ANK2: variants seen among roughly 807,000 people sequenced by gnomAD.
ANK2 encodes the protein ankyrin 2, also known as ankyrin-2.
A neutral mutation model predicts 360.5 loss-of-function variants in ANK2; 83 were observed. The ratio of observed to expected loss-of-function variants is 0.23; its 90% CI spans 0.19 to 0.28. The LOEUF (loss-of-function observed/expected upper bound fraction) is 0.28, where lower values mean the gene tolerates loss of function less well. Among genes scored for constraint, ANK2 ranks in the 10% least tolerant of loss-of-function variants. The pLI, the probability that ANK2 is intolerant of heterozygous loss-of-function variation, is 1.00. For missense variants in ANK2, 4,201 were observed against 4,795.7 expected (o/e 0.88, Z 3.66); for synonymous variants, 1,740 against 1,759.5 (o/e 0.99, Z 0.28).
At chr4:112,730,951 A>C in the ANK2 span, among the ~76,000 whole-genome samples, 14 of 152,016 alleles carry the variant, frequency 9.2e-5, no homozygotes, top group African/African-American at 3.4e-4. Context: ...CATTCCGGCC[A>C]ACATGGTGAA....
chr4:113,263,679 A>C (rs2054319648), intron 13 of ANK2, among the ~76,000 whole-genome samples: 1 of 152,222 alleles, frequency 6.6e-6, no homozygotes, highest in Non-Finnish European at 1.5e-5. Flanking sequence ...ACCACAACCA[A>C]ATTTAAAATC....
chr4:113,146,209 G>T (rs1286417766), intron 1 of ANK2, among the ~76,000 whole-genome samples: 1 of 152,060 alleles, frequency 6.6e-6, no homozygotes, highest in South Asian at 2.1e-4. Context: ...GTTTTTTCTC[G>T]GTTGTCTTTA....
At position 113,353,346 on chromosome 4, in the gene ANK2, C is replaced by A; in HGVS notation, c.4728C>A (p.Ser1576Arg). The change falls in exon 38 of 46, where the codon AGC becomes AGA. Residue 1576 changes from serine to arginine, a missense_variant. Coordinates refer to ENST00000357077, the MANE Select transcript of ANK2 (RefSeq NM_001148.6). Reference protein sequence around the residue: ...LRSGTCTRDESSVQSSRSERG... With the variant: ...LRSGTCTRDERSVQSSRSERG... ...GTGGAACCTGCACAAGAGATGAAAGCAGTGTGCAGAGCTCTCGGTCTGAGA... is the reference window on the plus strand; with the variant it reads ...GTGGAACCTGCACAAGAGATGAAAGAAGTGTGCAGAGCTCTCGGTCTGAGA... 1 of 1,613,968 alleles carries A rather than the reference C, an allele frequency of 6.2e-7. No individual in the cohort carries two copies. The highest frequency in any genetic ancestry group is 8.5e-7 in the Non-Finnish European group (1 of 1,179,918).
intron 1 of ANK2, among the ~76,000 whole-genome samples, chr4:113,064,453 A>G (rs545145915): frequency 1.5e-4 from 23 of 152,164 alleles, no homozygotes; most frequent in Non-Finnish European, 2.8e-4. Flanking sequence ...AGCCAGGATT[A>G]AGGAGGAGGG....
chr4:112,766,584 G>C, the ANK2 span, among the ~76,000 whole-genome samples: 4 of 151,904 alleles, frequency 2.6e-5, no homozygotes, highest in Admixed American at 2.0e-4. Context: ...TTCTACTCTG[G>C]GTATTGACTT....
intron 1 of ANK2, among the ~76,000 whole-genome samples, chr4:113,154,531 G>A (rs2097208286): frequency 6.6e-6 from 1 of 152,142 alleles, no homozygotes; most frequent in Non-Finnish European, 1.5e-5. Context: ...CATGAGAGAT[G>A]ATTAACAAAA....
chr4:113,330,443 T>G lies in ANK2; in HGVS notation c.3098T>G (p.Val1033Gly), dbSNP rs141095954. Residue 1033 changes from valine to glycine, a missense_variant, in exon 27 of 46, where the codon GTT (valine) becomes GGT (glycine). Around this residue, in one of 4 missense-constraint regions of ANK2, gnomAD observed 1,268 missense variants for 1,650.8 expected, o/e 0.77. Coordinates refer to ENST00000357077, the MANE Select transcript of ANK2 (RefSeq NM_001148.6). ...GEGLASRLIE[V>G]GPSGAQFLGK... ...GGCCTGGCCAGTCGCCTGATCGAAG[T>G]TGGACCTTCTGGTGCTCAGTTCCTT... 5 of 1,614,108 alleles carry G rather than the reference T, an allele frequency of 3.1e-6. No homozygotes were observed. Among genetic ancestry groups the G allele is most frequent in the African/African-American group, 2.7e-5 (2 of 74,948 alleles).
chr4:112,715,328 T>A, the ANK2 span, among the ~76,000 whole-genome samples: 35 of 152,224 alleles, frequency 2.3e-4, no homozygotes, highest in South Asian at 5.0e-3. Flanking sequence ...GTCTCATGGG[T>A]TCACCTAGAT....
chr4:112,731,308 A>G, the ANK2 span, among the ~76,000 whole-genome samples: 1 of 151,944 alleles, frequency 6.6e-6, no homozygotes, highest in East Asian at 1.9e-4. Flanking sequence ...AAAAAAAAAA[A>G]AAAAAGATAA....
chr4:113,226,471 A>G (rs2099223376), intron 4 of ANK2, among the ~76,000 whole-genome samples: 1 of 152,174 alleles, frequency 6.6e-6, no homozygotes, highest in African/African-American at 2.4e-5. Flanking sequence ...TACTCCCAGT[A>G]ACTTCGTTCA....
chr4:112,809,640 A>C, the ANK2 span, among the ~76,000 whole-genome samples: 1 of 150,638 alleles, frequency 6.6e-6, no homozygotes, highest in African/African-American at 2.5e-5. Flanking sequence ...CTAGCACTTT[A>C]GGAGGCCGCG....
At chr4:113,093,958 C>G (rs2089823305) in intron 1 of ANK2, among the ~76,000 whole-genome samples, 1 of 152,164 alleles carries the variant, frequency 6.6e-6, no homozygotes, top group Non-Finnish European at 1.5e-5. Flanking sequence ...GCTTGAAAAT[C>G]TGTCCCAAAT....
chr4:112,951,959 C>A (rs1476815184), intron 2 of ANK2, among the ~76,000 whole-genome samples: 1 of 152,144 alleles, frequency 6.6e-6, no homozygotes, highest in Non-Finnish European at 1.5e-5. Context: ...ATTTATTAAC[C>A]CTTTACCAAA....
At chr4:112,897,130 G>T (rs921513354) in intron 1 of ANK2, among the ~76,000 whole-genome samples, 10 of 152,060 alleles carry the variant, frequency 6.6e-5, no homozygotes, top group African/African-American at 2.4e-4. Context: ...ACTGTTCACT[G>T]AGGAAGTGGC....
At chr4:112,826,477 CT>C in intron 1 of ANK2, 3 of 1,121,650 alleles carry the variant, frequency 2.7e-6, no homozygotes, top group African/African-American at 1.6e-5. Context: ...TCTGTGAAAC[CT>C]TTTGTTACAT....
Position 113,356,185 on chromosome 4 carries a change from G to C in ANK2, c.7567G>C (p.Glu2523Gln), listed in dbSNP as rs2154025025. ...TGGCAGTGCTGAGGATGACAGTCTT[G>C]AGCAGACATCGCTCATGGAGAGCTC... ...PDGSAEDDSLEQTSLMESSGK... is the reference protein window; with the variant it reads ...PDGSAEDDSLQQTSLMESSGK... The change falls in exon 38 of 46, where the codon GAG becomes CAG. Residue 2523 changes from glutamate (E) to glutamine (Q), a missense_variant. By Grantham distance (29) the Glu-to-Gln change is conservative (BLOSUM62 2). Around this residue, in one of 4 missense-constraint regions of ANK2, gnomAD observed 2,642 missense variants for 2,714.5 expected, o/e 0.97. Transcript: ENST00000357077. The C allele has an allele frequency of 6.2e-7, 1 of 1,613,956 alleles. No individual in the cohort carries two copies. Among genetic ancestry groups the C allele is most frequent in the Non-Finnish European group, 8.5e-7 (1 of 1,179,988 alleles).
chr4:112,760,209 C>T, the ANK2 span, among the ~76,000 whole-genome samples: 1 of 138,376 alleles, frequency 7.2e-6, no homozygotes, highest in Non-Finnish European at 1.5e-5. Context: ...TTTTTTGAGA[C>T]GGAGTCTCGC....
At chr4:112,788,601 G>A in the ANK2 span, 55 of 1,590,220 alleles carry the variant, frequency 3.5e-5, no homozygotes, top group Non-Finnish European at 4.2e-5. Flanking sequence ...AAGCAGCTGA[G>A]TAGCTGTTTG....
At chr4:113,277,433 A>T (rs2060645957) in intron 15 of ANK2, among the ~76,000 whole-genome samples, 1 of 152,216 alleles carries the variant, frequency 6.6e-6, no homozygotes, top group South Asian at 2.1e-4. Context: ...TTCAGGTGTT[A>T]TAAAAAGGAT....
Sources: allele counts gnomAD v4.1 joint callset (sites outside exome capture counted in the v4.1 genomes callset), GRCh38; gene constraint gnomAD v4.1.1; regional missense constraint gnomAD v4.1.1; transcripts MANE v1.5; gene names NCBI Gene and HGNC (gene_info 2026-07-23, HGNC 2026-07-21).